Variants in SAMD8 observed in about 807,000 individuals in gnomAD.
SAMD8 encodes the protein sterile alpha motif domain containing 8, also known as sphingomyelin synthase-related protein 1.
Under a neutral mutation model 42.0 loss-of-function variants are expected in SAMD8, and 20 were observed. That is an observed-to-expected ratio of 0.48 (90% CI 0.34 to 0.69). SAMD8 has a LOEUF of 0.69. SAMD8 is among the 30% of genes least tolerant of loss of function. The probability of loss-of-function intolerance (pLI) is 0.01; values close to 1 mark genes in which losing one functional copy is unlikely to be tolerated. For synonymous variants in SAMD8, 162 were observed against 173.0 expected (o/e 0.94, Z 0.50); for missense variants, 328 against 511.6 (o/e 0.64, Z 3.46).
chr10:75,140,009 G>A (rs4746267), intron 1 of SAMD8, among the ~76,000 whole-genome samples: 45,573 of 151,966 alleles, frequency 0.3, 8,162 homozygotes, highest in African/African-American at 0.5. Context: ...TTACATATGG[G>A]TATCCATTTG....
chr10:75,102,739 G>C (rs1032651024), intron 1 of SAMD8, among the ~76,000 whole-genome samples: 1 of 152,154 alleles, frequency 6.6e-6, no homozygotes, highest in East Asian at 1.9e-4. Context: ...GATCACCTGA[G>C]GTCGGGAGTT....
chr10:75,160,873 G>T (rs1840542119), intron 2 of SAMD8, among the ~76,000 whole-genome samples: 1 of 152,226 alleles, frequency 6.6e-6, no homozygotes, highest in South Asian at 2.1e-4. Flanking sequence ...ATCTTCTTAA[G>T]CCTGGGCAAC....
chr10:75,117,881 T>C (rs1220515142), intron 1 of SAMD8, among the ~76,000 whole-genome samples: 1 of 152,192 alleles, frequency 6.6e-6, no homozygotes, highest in Non-Finnish European at 1.5e-5. Flanking sequence ...CAAAGTCCTA[T>C]CATCGTGGAA....
chr10:75,164,763 G>A (rs374556282), intron 3 of SAMD8, 23 bp downstream of exon 3: 1 of 1,533,996 alleles, frequency 6.5e-7, no homozygotes, highest in Middle Eastern at 1.7e-4. Flanking sequence ...TCCATTAAAT[G>A]ACTGAAAATG....
At chr10:75,127,342 A>G (rs1849169156) in intron 1 of SAMD8, among the ~76,000 whole-genome samples, 1 of 152,206 alleles carries the variant, frequency 6.6e-6, no homozygotes, top group South Asian at 2.1e-4. Flanking sequence ...TGTCATGGGT[A>G]AGAATATGAA....
chr10:75,104,919 C>A (rs1347641593), intron 1 of SAMD8, among the ~76,000 whole-genome samples: 1 of 152,008 alleles, frequency 6.6e-6, no homozygotes, highest in African/African-American at 2.4e-5. Flanking sequence ...TCAGGCCCTG[C>A]CCTGGGAGGT....
At chr10:75,159,104 G>C (rs1399736510) in intron 2 of SAMD8, among the ~76,000 whole-genome samples, 3 of 136,666 alleles carry the variant, frequency 2.2e-5, no homozygotes, top group Non-Finnish European at 4.5e-5. Flanking sequence ...TGTTACCCAG[G>C]CTGGAGTATA....
At chr10:75,166,997 A>G (rs1263483507) in intron 3 of SAMD8, among the ~76,000 whole-genome samples, 2 of 152,146 alleles carry the variant, frequency 1.3e-5, no homozygotes, top group Non-Finnish European at 2.9e-5. Context: ...CCTTGTGTTC[A>G]GTGCTTTCTC....
chr10:75,111,521 C>G, upstream of SAMD8: 2 of 1,230,422 alleles, frequency 1.6e-6, no homozygotes, highest in East Asian at 3.2e-5. Flanking sequence ...GAGCAGCTGC[C>G]GGCGCGGCGG....
chr10:75,150,560 G>C lies in SAMD8; in HGVS notation c.32G>C (p.Arg11Pro). The C allele has an allele frequency of 1.9e-6, 3 of 1,613,936 alleles. No individual in the cohort carries two copies. The highest frequency in any genetic ancestry group is 2.5e-6 in the Non-Finnish European group (3 of 1,179,932). Residue 11 changes from arginine to proline, a missense_variant, in exon 2 of 6, where the codon CGC (arginine) becomes CCC (proline). Around this residue, in one of 2 missense-constraint regions of SAMD8, gnomAD observed 150 missense variants for 186.0 expected, o/e 0.81. Transcript: ENST00000542569. MAGPNQLCIR[R>P]WTTKHVAVWL... is the part of the protein sequence containing the mutation. ...GGTCCTAATCAACTCTGCATTCGCCGCTGGACTACCAAGCATGTAGCTGTG... is the reference window on the plus strand; with the variant it reads ...GGTCCTAATCAACTCTGCATTCGCCCCTGGACTACCAAGCATGTAGCTGTG...
At chr10:75,162,598 G>A (rs1356755454) in intron 2 of SAMD8, among the ~76,000 whole-genome samples, 1 of 137,628 alleles carries the variant, frequency 7.3e-6, no homozygotes, top group South Asian at 2.3e-4. Context: ...GTGGTGAGCC[G>A]AGATCGCGCC....
At chr10:75,136,345 A>C (rs1422317365) in intron 1 of SAMD8, among the ~76,000 whole-genome samples, 1 of 152,220 alleles carries the variant, frequency 6.6e-6, no homozygotes, top group Non-Finnish European at 1.5e-5. Flanking sequence ...ATTCCAAAGA[A>C]TGCAAAAGTA....
At chr10:75,109,159 G>C (rs1444115906), upstream of SAMD8, 11 of 1,577,756 alleles carry the variant, frequency 7.0e-6, no homozygotes, top group Non-Finnish European at 8.6e-6. Context: ...CTCAGCCATG[G>C]GCCAGCCCGC....
chr10:75,149,032 G>A (rs1840217891), intron 1 of SAMD8, among the ~76,000 whole-genome samples: 1 of 151,580 alleles, frequency 6.6e-6, no homozygotes, highest in Admixed American at 6.6e-5. Flanking sequence ...TAGGCACATA[G>A]GTGTTCGTTG....
intron 1 of SAMD8, among the ~76,000 whole-genome samples, chr10:75,102,368 G>A (rs1244892339): frequency 1.3e-5 from 2 of 152,088 alleles, no homozygotes; most frequent in Non-Finnish European, 2.9e-5. Context: ...GCGTGAACCC[G>A]GGAGGCAGAG....
chr10:75,113,638 G>A (rs1848819380), intron 1 of SAMD8, among the ~76,000 whole-genome samples: 1 of 152,222 alleles, frequency 6.6e-6, no homozygotes, highest in Admixed American at 6.5e-5. Flanking sequence ...TATGGGCTAT[G>A]TGACATACCC....
intron 1 of SAMD8, among the ~76,000 whole-genome samples, chr10:75,103,390 C>T (rs1427006202): frequency 6.6e-6 from 1 of 152,098 alleles, no homozygotes; most frequent in Non-Finnish European, 1.5e-5. Context: ...CCCTGGGCTG[C>T]AGGCAGAAGC....
At position 75,176,801 on chromosome 10, in the gene SAMD8, CAAAGT is replaced by C. The variant is rs1192669631; in HGVS notation, c.*115_*119del. ...CTTAGATGCCTGGCTTATGTGTTGA[CAAAGT>C]AAAGTTTTCTGTTCTGAGCAAAGTT... On this transcript the variant is annotated 3_prime_UTR_variant, in exon 6 of 6. Coordinates refer to ENST00000542569, the MANE Select transcript of SAMD8 (RefSeq NM_001174156.2). The surrounding 1 kb of genome is among the most constrained non-coding windows in gnomAD (Gnocchi z 4.3). 1 of 790,056 alleles carries C rather than the reference CAAAGT, an allele frequency of 1.3e-6. No individual in the cohort carries two copies. The highest frequency in any genetic ancestry group is 2.7e-5 in the East Asian group (1 of 36,804). The allele number at this position is 790,056 out of a possible 1,614,324, so 48.9% of individuals were successfully genotyped here. A position where few individuals can be genotyped will look rare whatever the true frequency, so the allele number is the denominator to read the frequency against.
At chr10:75,109,157 T>C (rs754859062), upstream of SAMD8, 111 of 1,582,060 alleles carry the variant, frequency 7.0e-5, no homozygotes, top group Non-Finnish European at 9.2e-5. Flanking sequence ...GTCTCAGCCA[T>C]GGGCCAGCCC....
Sources: gnomAD v4.1 joint callset for allele counts (sites outside exome capture counted in the v4.1 genomes callset) on GRCh38, gnomAD v4.1.1 for gene constraint, gnomAD v4.1.1 regional missense constraint, Gnocchi (gnomAD v3.1) non-coding constraint, MANE v1.5 for transcripts, NCBI Gene and HGNC (gene_info 2026-07-23, HGNC 2026-07-21) for gene names.